The following PLXNA2 variants were observed in gnomAD, a reference collection of about 807,000 sequenced individuals.
The protein encoded by PLXNA2 is plexin A2, also known as plexin-A2.
Under a neutral mutation model 193.5 loss-of-function variants are expected in PLXNA2, and 91 were observed. That is an observed-to-expected ratio of 0.47 (90% CI 0.40 to 0.56). PLXNA2 has a LOEUF of 0.56. Among genes scored for constraint, PLXNA2 ranks in the 20% least tolerant of loss-of-function variants. The probability of loss-of-function intolerance (pLI) is 0.00; values close to 1 mark genes in which losing one functional copy is unlikely to be tolerated. For synonymous variants in PLXNA2, 997 were observed against 1,027.3 expected (o/e 0.97, Z 0.56); for missense variants, 1,995 against 2,503.2 (o/e 0.80, Z 4.33).
chr1:208,082,068 C>G lies in PLXNA2; in HGVS notation c.2395+344G>C, dbSNP rs1031276391. Among the ~76,000 whole-genome samples the G allele has an allele frequency of 1.3e-5, 2 of 152,206 alleles. No homozygotes were observed. The highest frequency in any genetic ancestry group is 4.8e-5 in the African/African-American group (2 of 41,436). Reference sequence around the variant, plus strand: ...GGGCCAAGGACAGGGGAACAAGAGCCTGACTGGAAACAATATCTCCATTTC... The same window carrying G: ...GGGCCAAGGACAGGGGAACAAGAGCGTGACTGGAAACAATATCTCCATTTC... On this transcript the variant is annotated intron_variant, in intron 11 of 31. Coordinates refer to ENST00000367033, the MANE Select transcript of PLXNA2 (RefSeq NM_025179.4). The surrounding 1 kb of genome is among the most constrained non-coding windows in gnomAD (Gnocchi z 4.2).
At chr1:208,133,436 GA>G (rs1312261854) in intron 4 of PLXNA2, among the ~76,000 whole-genome samples, 1 of 152,184 alleles carries the variant, frequency 6.6e-6, no homozygotes, top group African/African-American at 2.4e-5. Context: ...AAGAAATCAA[GA>G]AGGTACTTAT....
chr1:208,043,140 G>C lies in PLXNA2; in HGVS notation c.3938C>G (p.Pro1313Arg). Residue 1313 changes from proline to arginine, a missense_variant, in exon 21 of 32, where the codon CCT becomes CGT. Physicochemically the swap from Pro to Arg is moderately radical, Grantham distance 103 (BLOSUM62 -2). This residue lies in a region of PLXNA2 where 1,291 missense variants were observed against 1,673.6 expected (regional missense o/e 0.77). Transcript: ENST00000367033. ...AGCGTAGGTACGATAGTCCAGGTAA[G>C]GGATTCCTGAGCGGTCCAGGTCACT... Reference protein sequence around the residue: ...LTSDLDRSGIPYLDYRTYAMR... With the variant: ...LTSDLDRSGIRYLDYRTYAMR... The C allele has an allele frequency of 1.2e-6, 2 of 1,614,196 alleles. No homozygotes were observed. Among genetic ancestry groups the C allele is most frequent in the Non-Finnish European group, 1.7e-6 (2 of 1,180,014 alleles).
At chr1:208,164,506 T>G (rs142095682) in intron 3 of PLXNA2, among the ~76,000 whole-genome samples, 32 of 152,346 alleles carry the variant, frequency 2.1e-4, no homozygotes, top group African/African-American at 7.5e-4. Flanking sequence ...TCCAGACACC[T>G]TCTAAGAAAT....
chr1:208,210,506 A>G (rs377400809), intron 2 of PLXNA2, 44 bp from the exon 3 acceptor site: 1 of 1,543,654 alleles, frequency 6.5e-7, no homozygotes, highest in Non-Finnish European at 8.8e-7. Flanking sequence ...CAGTGGAGGC[A>G]TGGTGAAGTC....
intron 4 of PLXNA2, among the ~76,000 whole-genome samples, chr1:208,117,934 G>C (rs754290876): frequency 6.6e-5 from 10 of 152,180 alleles, no homozygotes; most frequent in African/African-American, 9.7e-5. Context: ...TTTGAGACTG[G>C]AGTGACGAAA....
At chr1:208,186,911 C>T (rs143717849) in intron 3 of PLXNA2, among the ~76,000 whole-genome samples, 1,784 of 150,260 alleles carry the variant, frequency 0.012, 36 homozygotes, top group African/African-American at 0.041. Flanking sequence ...TTAGTAGAGA[C>T]GGGGTTTCAC....
At chr1:208,143,274 G>A (rs1480524914) in intron 3 of PLXNA2, among the ~76,000 whole-genome samples, 1 of 152,218 alleles carries the variant, frequency 6.6e-6, no homozygotes, top group Admixed American at 6.5e-5. Flanking sequence ...GGAGCAGCGA[G>A]GTAGTCCTGC....
intron 8 of PLXNA2, among the ~76,000 whole-genome samples, chr1:208,094,249 G>T (rs972050140): frequency 3.6e-4 from 55 of 152,172 alleles, no homozygotes; most frequent in Non-Finnish European, 6.3e-4. Context: ...TCTTCCGCTG[G>T]CTACTTTTGT....
chr1:208,178,339 C>T (rs1006612563), intron 3 of PLXNA2, among the ~76,000 whole-genome samples: 2 of 152,190 alleles, frequency 1.3e-5, no homozygotes, highest in Non-Finnish European at 2.9e-5. Flanking sequence ...TTGTCACTTT[C>T]TGCTGAGCCT....
rs535235933 is a variant in PLXNA2, at chr1:208,173,284, C to T, written c.1372-30821G>A. ...AGTATTAATGCCTTTACTGCCATAT[C>T]GAGGATGTTGGATTAGTGAGCCTTT... On this transcript the variant is annotated intron_variant, in intron 3 of 31. Coordinates refer to ENST00000367033, the MANE Select transcript of PLXNA2 (RefSeq NM_025179.4). 5.3e-5 allele frequency among the ~76,000 whole-genome samples: 8 copies of T among 152,150 alleles called. No homozygotes were observed. In the East Asian group the frequency reaches 7.7e-4, roughly 15 times the overall value.
At chr1:208,135,015 G>T (rs1008852754) in intron 4 of PLXNA2, among the ~76,000 whole-genome samples, 1 of 152,106 alleles carries the variant, frequency 6.6e-6, no homozygotes, top group Non-Finnish European at 1.5e-5. Context: ...AGTTGACAGG[G>T]CCTCCTCCAA....
chr1:208,053,816 C>T (rs1665341268), intron 14 of PLXNA2, among the ~76,000 whole-genome samples: 1 of 152,158 alleles, frequency 6.6e-6, no homozygotes. Flanking sequence ...AAAGTCTTTG[C>T]AATTTGACTA....
chr1:208,137,259 G>T (rs528579291), intron 4 of PLXNA2, among the ~76,000 whole-genome samples: 2 of 152,056 alleles, frequency 1.3e-5, no homozygotes, highest in Non-Finnish European at 2.9e-5. Flanking sequence ...TTCACCCTTC[G>T]CTGGATCATT....
intron 31 of PLXNA2, among the ~76,000 whole-genome samples, chr1:208,027,600 C>T (rs913290911): frequency 1.3e-5 from 2 of 152,176 alleles, no homozygotes; most frequent in Non-Finnish European, 2.9e-5. Context: ...ACTACTTTCA[C>T]GTTCAATGCT....
intron 4 of PLXNA2, among the ~76,000 whole-genome samples, chr1:208,105,113 A>C (rs2102421133): frequency 6.6e-6 from 1 of 152,340 alleles, no homozygotes; most frequent in Non-Finnish European, 1.5e-5. Flanking sequence ...AGGTCTCCGC[A>C]GCCTGCCCTA....
At chr1:208,166,833 C>T (rs374966891) in intron 3 of PLXNA2, among the ~76,000 whole-genome samples, 2 of 152,184 alleles carry the variant, frequency 1.3e-5, no homozygotes, top group African/African-American at 2.4e-5. Flanking sequence ...TAGATGGATT[C>T]TAAACCTCTG....
rs544674384 is a variant in PLXNA2, at chr1:208,187,102, T to C, written c.1371+23178A>G. ...ACATTTTTCAGTTTTTTTGCAGACC[T>C]AAGAATTTTGAACCAGAATTACATG... On this transcript the variant is annotated intron_variant, in intron 3 of 31. Transcript: ENST00000367033. 3.3e-5 allele frequency among the ~76,000 whole-genome samples: 5 copies of C among 152,306 alleles called. 1 individual carries two copies. In the South Asian group the frequency reaches 1.0e-3, roughly 32 times the overall value.
At chr1:208,052,034 T>G (rs539402440) in intron 15 of PLXNA2, among the ~76,000 whole-genome samples, 1 of 152,344 alleles carries the variant, frequency 6.6e-6, no homozygotes, top group South Asian at 2.1e-4. Context: ...GAGGACTCAA[T>G]GAATGCTTGA....
Position 208,082,278 on chromosome 1 carries a change from T to A in PLXNA2, c.2395+134A>T. On this transcript the variant is annotated intron_variant, in intron 11 of 31. Transcript: ENST00000367033. This position sits in a 1 kb window ranked among gnomAD's most constrained non-coding sequence, Gnocchi z 4.2. ...GATGACTCCAAATGTTGCTTTAGGA[T>A]CCTCTGAAGAGTTCCGCCGACAGAG... The A allele has an allele frequency of 1.4e-6, 1 of 695,266 alleles. No homozygotes were observed. The highest frequency in any genetic ancestry group is 1.7e-5 in the South Asian group (1 of 60,552). The allele number at this position is 695,266 out of a possible 1,614,324, so 43.1% of individuals were successfully genotyped here. A position where few individuals can be genotyped will look rare whatever the true frequency, so the allele number is the denominator to read the frequency against.
Sources: allele counts gnomAD v4.1 joint callset (sites outside exome capture counted in the v4.1 genomes callset), GRCh38; gene constraint gnomAD v4.1.1; regional missense constraint gnomAD v4.1.1; non-coding constraint Gnocchi (gnomAD v3.1); transcripts MANE v1.5; gene names NCBI Gene and HGNC (gene_info 2026-07-23, HGNC 2026-07-21).